Variants in ABL1 observed in about 807,000 individuals in gnomAD.
The protein encoded by ABL1 is tyrosine-protein kinase ABL1.
In ABL1, 11 loss-of-function variants were observed where a neutral mutation model predicts 94.7. The observed-to-expected ratio is 0.12, with a 90% CI of 0.07 to 0.19. The LOEUF (loss-of-function observed/expected upper bound fraction) is 0.19. Ranked by LOEUF, ABL1 falls within the 10% of genes least tolerant of loss-of-function variation. ABL1 has a pLI of 1.00. For missense variants in ABL1, 1,082 were observed against 1,489.4 expected (o/e 0.73, Z 4.50); for synonymous variants, 656 against 622.4 (o/e 1.05, Z -0.80).
intron 10 of ABL1, among the ~76,000 whole-genome samples, chr9:130,883,467 A>G (rs1831501112): frequency 6.6e-6 from 1 of 151,114 alleles, no homozygotes; most frequent in African/African-American, 2.4e-5. Context: ...ACTGCACTCC[A>G]GCGTAGGCAA....
chr9:130,751,081 T>A (rs1372609142), intron 1 of ABL1, among the ~76,000 whole-genome samples: 1 of 151,148 alleles, frequency 6.6e-6, no homozygotes, highest in Non-Finnish European at 1.5e-5. Context: ...AATACATAAA[T>A]GTTATCATTT....
chr9:130,864,153 C>T (rs1296961998), intron 4 of ABL1, among the ~76,000 whole-genome samples: 1 of 152,238 alleles, frequency 6.6e-6, no homozygotes, highest in African/African-American at 2.4e-5. Context: ...TGCTCTTATT[C>T]AGCACGTGCC....
At chr9:130,767,064 C>T (rs989462795) in intron 1 of ABL1, among the ~76,000 whole-genome samples, 2 of 152,198 alleles carry the variant, frequency 1.3e-5, no homozygotes, top group African/African-American at 4.8e-5. Context: ...GCCCTTCACT[C>T]AGCTTCTGGT....
At chr9:130,837,796 T>C (rs1315106624) in intron 1 of ABL1, among the ~76,000 whole-genome samples, 4 of 152,228 alleles carry the variant, frequency 2.6e-5, no homozygotes, top group Non-Finnish European at 5.9e-5. Flanking sequence ...GGATGAGTAA[T>C]CCAGGCTTTC....
rs34579847 is a variant in ABL1, at chr9:130,727,234, GT to G, written c.136+12792del. 4.6e-3 allele frequency among the ~76,000 whole-genome samples: 655 copies of G among 141,794 alleles called. 3 individuals are homozygous for G. Among genetic ancestry groups the G allele is most frequent in the Non-Finnish European group, 7.2e-3 (469 of 64,984 alleles). 93.0% of individuals were successfully genotyped at this position (141,794 alleles called of 152,430 possible). A position where few individuals can be genotyped will look rare whatever the true frequency, so the allele number is the denominator to read the frequency against. ...TTACTTCATCTATAGCTTTGCTGAG[GT>G]TTTTTTTTTTTTGTAGAGACAAGGT... On this transcript the variant is annotated intron_variant, in intron 1 of 10. Coordinates refer to the ABL1 transcript ENST00000372348.
At chr9:130,794,363 T>C (rs1346857017) in intron 1 of ABL1, among the ~76,000 whole-genome samples, 3 of 152,360 alleles carry the variant, frequency 2.0e-5, no homozygotes, top group African/African-American at 4.8e-5. Context: ...TAGCAGACTA[T>C]GTCATAGTCA....
chr9:130,766,331 G>GATCC (rs779867332), intron 1 of ABL1, among the ~76,000 whole-genome samples: 9 of 152,200 alleles, frequency 5.9e-5, no homozygotes, highest in Non-Finnish European at 1.0e-4. Flanking sequence ...CCCAGGAAGA[G>GATCC]ATCCATGACC....
At chr9:130,784,355 G>A (rs1387451270) in intron 1 of ABL1, among the ~76,000 whole-genome samples, 4 of 152,110 alleles carry the variant, frequency 2.6e-5, no homozygotes, top group Non-Finnish European at 4.4e-5. Context: ...CTACTTAGCT[G>A]TGCAGAGAAA....
Position 130,751,129 on chromosome 9 carries a change from C to CTTTTTTTTTTTTTTTTTTTT in ABL1, c.136+36685_136+36704dup, listed in dbSNP as rs60206110. Among the ~76,000 whole-genome samples, 11 of 57,482 alleles carry CTTTTTTTTTTTTTTTTTTTT rather than the reference C, an allele frequency of 1.9e-4. 3 individuals are homozygous for CTTTTTTTTTTTTTTTTTTTT. Among genetic ancestry groups the CTTTTTTTTTTTTTTTTTTTT allele is most frequent in the East Asian group, 1.4e-3 (2 of 1,450 alleles). The allele number at this position is 57,482 out of a possible 152,430, so 37.7% of individuals were successfully genotyped here. On this transcript the variant is annotated intron_variant, in intron 1 of 10. Coordinates refer to the ABL1 transcript ENST00000372348. ...TTTGAAACTTGTTTTTTTTATTCAGCTTTTTTTTTTTTTTTTTTTTTTTTT... is the reference window on the plus strand; with the variant it reads ...TTTGAAACTTGTTTTTTTTATTCAGCTTTTTTTTTTTTTTTTTTTTTTTTTTTTTTTTTTTTTTTTTTTTT...
chr9:130,747,415 C>G (rs1164723209), intron 1 of ABL1, among the ~76,000 whole-genome samples: 1 of 152,000 alleles, frequency 6.6e-6, no homozygotes, highest in African/African-American at 2.4e-5. Flanking sequence ...CAGTCTTCCT[C>G]TTTTTTTGTT....
At chr9:130,846,946 G>A (rs1435140103) in intron 1 of ABL1, among the ~76,000 whole-genome samples, 2 of 152,190 alleles carry the variant, frequency 1.3e-5, no homozygotes, top group South Asian at 2.1e-4. Context: ...GTCTAAACAA[G>A]TTAATCATGC....
chr9:130,796,939 AAAG>A lies in ABL1; in HGVS notation c.137-57124_137-57122del, dbSNP rs1282428173. On this transcript the variant is annotated intron_variant, in intron 1 of 10. Transcript: ENST00000372348. The stretch of plus-strand genomic sequence containing the variant: ...TCATCTCAAAAAAAAAAAAAAAAAA[AAAG>A]GCACTTTTTTTTTGGCCAGGCACAG... Among the ~76,000 whole-genome samples, 233 of 140,320 alleles carry A rather than the reference AAAG, an allele frequency of 1.7e-3. 3 individuals are homozygous for A. The highest frequency in any genetic ancestry group is 6.1e-3 in the African/African-American group (222 of 36,350). The allele number at this position is 140,320 out of a possible 152,430, so 92.1% of individuals were successfully genotyped here.
intron 4 of ABL1, among the ~76,000 whole-genome samples, chr9:130,871,915 G>A (rs7033381): frequency 0.031 from 4,714 of 152,354 alleles, 142 homozygotes; most frequent in Admixed American, 0.094. Flanking sequence ...GCCTGGGGGA[G>A]AATTGAAAAG....
At chr9:130,768,054 G>A (rs768775146) in intron 1 of ABL1, among the ~76,000 whole-genome samples, 17 of 152,080 alleles carry the variant, frequency 1.1e-4, no homozygotes, top group Non-Finnish European at 2.2e-4. Flanking sequence ...AAAACCCTGC[G>A]TTTTCACATG....
In ABL1 at chr9:130,877,607, A is replaced by G. The variant is rs141211727; in HGVS notation, c.1271-808A>G. Among the ~76,000 whole-genome samples, 197 of 146,450 alleles carry G rather than the reference A, an allele frequency of 1.3e-3. 2 individuals carry two copies. In the East Asian group the frequency reaches 0.035, roughly 26 times the overall value. The stretch of plus-strand genomic sequence containing the variant: ...CCCTCCTCTAGCATGTTTGTGGGGT[A>G]AGTTTACTGAGTCTTGTTCTGTCCT... On this transcript the variant is annotated intron_variant, in intron 7 of 10. Transcript: ENST00000318560.
At chr9:130,883,882 G>A (rs1170539449) in intron 10 of ABL1, 87 bp from the exon 11 acceptor site, 6 of 1,469,104 alleles carry the variant, frequency 4.1e-6, no homozygotes, top group Middle Eastern at 1.8e-4. Flanking sequence ...GTGCAGCAGT[G>A]GCACTCTGCC....
chr9:130,789,718 G>A lies in ABL1; in HGVS notation c.137-64346G>A, dbSNP rs149718764. 1.8e-3 allele frequency among the ~76,000 whole-genome samples: 269 copies of A among 152,212 alleles called. 2 individuals are homozygous for A. The highest frequency in any genetic ancestry group is 6.2e-3 in the African/African-American group (257 of 41,502). On this transcript the variant is annotated intron_variant, in intron 1 of 10. Transcript: ENST00000372348. ...AGAGAGATACATCAAAAACAACCAG[G>A]CAGTTTTATTTTTAAAAATCAAATA... is the stretch of plus-strand genomic sequence containing the variant.
chr9:130,759,052 C>T (rs1048912354), intron 1 of ABL1, among the ~76,000 whole-genome samples: 1 of 152,150 alleles, frequency 6.6e-6, no homozygotes, highest in Non-Finnish European at 1.5e-5. Context: ...GTATAAAATC[C>T]ACTTTTTGTC....
At chr9:130,839,749 A>G (rs1830641415) in intron 1 of ABL1, among the ~76,000 whole-genome samples, 2 of 152,230 alleles carry the variant, frequency 1.3e-5, no homozygotes, top group Non-Finnish European at 2.9e-5. Flanking sequence ...TGATTGAGGG[A>G]AAGCTCTGAA....
Sources: allele counts gnomAD v4.1 joint callset (sites outside exome capture counted in the v4.1 genomes callset), GRCh38; gene constraint gnomAD v4.1.1; transcripts MANE v1.5; gene names NCBI Gene and HGNC (gene_info 2026-07-23, HGNC 2026-07-21).